Variants in RAB28 observed in about 807,000 individuals in gnomAD.
RAB28 encodes the protein ras-related protein Rab-28.
A neutral mutation model predicts 31.7 loss-of-function variants in RAB28; 24 were observed. That is an observed-to-expected ratio of 0.76 (90% CI 0.55 to 1.06). RAB28 has a LOEUF of 1.06. Among genes scored for constraint, RAB28 ranks in the 50% least tolerant of loss-of-function variants. RAB28 has a pLI of 0.00. For synonymous variants in RAB28, 100 were observed against 90.4 expected (o/e 1.11, Z -0.60); for missense variants, 254 against 258.5 (o/e 0.98, Z 0.12).
chr4:13,421,456 T>C (rs1713138645), intron 4 of RAB28, among the ~76,000 whole-genome samples: 1 of 152,202 alleles, frequency 6.6e-6, no homozygotes. Context: ...AAGACAATCC[T>C]AAGCAAAAAG....
intron 4 of RAB28, among the ~76,000 whole-genome samples, chr4:13,407,246 C>T (rs1325377816): frequency 1.3e-5 from 2 of 152,068 alleles, no homozygotes; most frequent in African/African-American, 4.8e-5. Flanking sequence ...TTTCCCAACA[C>T]CATTTATTAA....
intron 3 of RAB28, among the ~76,000 whole-genome samples, chr4:13,464,446 A>G (rs1054513758): frequency 6.6e-6 from 1 of 152,110 alleles, no homozygotes; most frequent in Admixed American, 6.6e-5. Flanking sequence ...GGAGGAGCAA[A>G]GAAACACTAG....
intron 4 of RAB28, among the ~76,000 whole-genome samples, chr4:13,425,652 C>T (rs1713438575): frequency 1.3e-5 from 2 of 152,112 alleles, no homozygotes; most frequent in Admixed American, 1.3e-4. Flanking sequence ...CTTGAAGATA[C>T]TGTCATTATA....
chr4:13,462,598 T>C (rs1032417553), intron 3 of RAB28, among the ~76,000 whole-genome samples: 4 of 152,186 alleles, frequency 2.6e-5, no homozygotes, highest in Non-Finnish European at 5.9e-5. Flanking sequence ...TATTCTCGTT[T>C]ATTAAACCAT....
chr4:13,372,002 G>T, intron 6 of RAB28: 1 of 803,942 alleles, frequency 1.2e-6, no homozygotes, highest in Non-Finnish European at 2.1e-6. Context: ...ATGGGTTGGG[G>T]CACAAGGTGT....
chr4:13,418,339 A>C (rs1214256794), intron 4 of RAB28, among the ~76,000 whole-genome samples: 3 of 152,228 alleles, frequency 2.0e-5, no homozygotes, highest in African/African-American at 7.2e-5. Flanking sequence ...TCAGGATATT[A>C]TCCAGGAGAA....
intron 4 of RAB28, among the ~76,000 whole-genome samples, chr4:13,382,693 ATTTTTTT>A (rs35120402): frequency 1.4e-5 from 1 of 73,910 alleles, no homozygotes; most frequent in Non-Finnish European, 2.7e-5. Context: ...AAAATATGGA[ATTTTTTT>A]TTTTTTTTTT....
Position 13,454,509 on chromosome 4 carries a change from C to T in RAB28, c.391+6190G>A, listed in dbSNP as rs141015594. The stretch of plus-strand genomic sequence containing the variant: ...GAAGAGACTTACTCATATAGATGGG[C>T]CCTGGGTGTCAGTTTAGTGAAGGTG... On this transcript the variant is annotated intron_variant, in intron 4 of 6. Coordinates refer to ENST00000330852, the MANE Select transcript of RAB28 (RefSeq NM_001017979.3). 6.4e-3 allele frequency among the ~76,000 whole-genome samples: 978 copies of T among 152,184 alleles called. 9 individuals are homozygous for T. The highest frequency in any genetic ancestry group is 0.022 in the African/African-American group (920 of 41,502).
At chr4:13,405,071 C>A (rs1014048433) in intron 4 of RAB28, among the ~76,000 whole-genome samples, 1 of 151,992 alleles carries the variant, frequency 6.6e-6, no homozygotes, top group East Asian at 1.9e-4. Flanking sequence ...ACCTCTGTCT[C>A]CTAACGAGAA....
At chr4:13,370,953 C>T (rs1728690907) in intron 6 of RAB28, 1 of 979,880 alleles carries the variant, frequency 1.0e-6, no homozygotes, top group African/African-American at 1.8e-5. Context: ...ACATGTTACC[C>T]AAATATTTTA....
chr4:13,395,620 C>T (rs1046106190), intron 4 of RAB28, among the ~76,000 whole-genome samples: 3 of 151,672 alleles, frequency 2.0e-5, no homozygotes, highest in East Asian at 3.9e-4. Flanking sequence ...TATATGACTA[C>T]TGATAACAAG....
chr4:13,401,661 C>T lies in RAB28; in HGVS notation c.392-20067G>A, dbSNP rs553073271. Among the ~76,000 whole-genome samples, 255 of 152,182 alleles carry T rather than the reference C, an allele frequency of 1.7e-3. 1 individual carries two copies. The highest frequency in any genetic ancestry group is 5.9e-3 in the African/African-American group (243 of 41,518). On this transcript the variant is annotated intron_variant, in intron 4 of 6. Transcript: ENST00000330852. The stretch of plus-strand genomic sequence containing the variant: ...TGTAATGATTTCTTCTCTTTCATTC[C>T]TGACAGTGTAATTTGTATGTTCTCT...
At chr4:13,479,708 C>A (rs1287963436) in intron 1 of RAB28, among the ~76,000 whole-genome samples, 182 bp from the exon 2 acceptor site, 1 of 151,542 alleles carries the variant, frequency 6.6e-6, no homozygotes, top group Non-Finnish European at 1.5e-5. Flanking sequence ...ATTTTACTTG[C>A]CAGCAGCTAT....
At chr4:13,371,932 C>G in intron 6 of RAB28, 1 of 1,416,784 alleles carries the variant, frequency 7.1e-7, no homozygotes, top group Non-Finnish European at 9.7e-7. Context: ...AGAGCATTTG[C>G]CAAGTGTATA....
intron 4 of RAB28, among the ~76,000 whole-genome samples, chr4:13,400,359 C>G (rs1465057654): frequency 6.6e-6 from 1 of 152,136 alleles, no homozygotes; most frequent in Non-Finnish European, 1.5e-5. Flanking sequence ...ATACCACACA[C>G]AAATACCATT....
intron 4 of RAB28, among the ~76,000 whole-genome samples, chr4:13,408,484 T>C (rs1282257515): frequency 2.6e-5 from 4 of 152,114 alleles, no homozygotes; most frequent in Non-Finnish European, 1.5e-5. Flanking sequence ...TTTTTTTGTG[T>C]GTGTCTCTGC....
chr4:13,413,946 T>A (rs763511124), intron 4 of RAB28, among the ~76,000 whole-genome samples: 1 of 152,184 alleles, frequency 6.6e-6, no homozygotes, highest in Non-Finnish European at 1.5e-5. Flanking sequence ...CACAGCAGTC[T>A]AGGAGCTATT....
intron 3 of RAB28, among the ~76,000 whole-genome samples, chr4:13,463,439 C>A (rs941944390): frequency 6.6e-6 from 1 of 152,122 alleles, no homozygotes; most frequent in African/African-American, 2.4e-5. Flanking sequence ...TAAACTTTTA[C>A]TGAAATATAG....
intron 4 of RAB28, among the ~76,000 whole-genome samples, chr4:13,456,497 A>G (rs905985916): frequency 7.2e-5 from 11 of 152,292 alleles, no homozygotes; most frequent in African/African-American, 2.6e-4. Flanking sequence ...TCCAACATAA[A>G]CTATTACCCT....
Sources: gnomAD v4.1 joint callset for allele counts (sites outside exome capture counted in the v4.1 genomes callset) on GRCh38, gnomAD v4.1.1 for gene constraint, MANE v1.5 for transcripts, NCBI Gene and HGNC (gene_info 2026-07-23, HGNC 2026-07-21) for gene names.